Variants in ACAN observed in about 807,000 individuals in gnomAD.
The protein encoded by ACAN is aggrecan, also known as aggrecan core protein.
Under a neutral mutation model 169.1 loss-of-function variants are expected in ACAN, and 47 were observed. The observed-to-expected ratio is 0.28, with a 90% CI of 0.22 to 0.35. ACAN has a LOEUF of 0.35. ACAN is among the 10% of genes least tolerant of loss of function. The probability of loss-of-function intolerance (pLI) is 1.00; values close to 1 mark genes in which losing one functional copy is unlikely to be tolerated. For missense variants in ACAN, 2,716 were observed against 2,759.9 expected, an observed-to-expected ratio of 0.98 and a Z score of 0.36; for synonymous variants, 1,115 against 1,112.2, an observed-to-expected ratio of 1.00 and a Z score of -0.05.
chr15:88,842,525 T>A (rs113925073), intron 5 of ACAN, among the ~76,000 whole-genome samples: 2,512 of 46,938 alleles, frequency 0.054, 57 homozygotes, highest in African/African-American at 0.12. Flanking sequence ...CCCTCCCCCC[T>A]ACCTGAGCAC....
rs1242426061 is a variant in ACAN, at chr15:88,843,805, G to A, written c.1051+157G>A. Among the ~76,000 whole-genome samples, 2 of 152,132 alleles carry A rather than the reference G, an allele frequency of 1.3e-5. No individual in the cohort carries two copies. The highest frequency in any genetic ancestry group is 4.8e-5 in the African/African-American group (2 of 41,440). ...TTTAGGACACCCCTCCATTTTCACT[G>A]GTTCCTAGGAAGCCCTAAGGTAGAG... On this transcript the variant is annotated intron_variant, in intron 6 of 18. Transcript: ENST00000560601. This position sits in a 1 kb window ranked among gnomAD's most constrained non-coding sequence, Gnocchi z 4.0.
intron 9 of ACAN, 76 bp downstream of exon 9, chr15:88,848,114 A>T (rs1335278769): frequency 1.9e-6 from 3 of 1,564,950 alleles, no homozygotes; most frequent in Non-Finnish European, 2.6e-6. Flanking sequence ...CGATACAAAG[A>T]AGAGAGGGGG....
intron 2 of ACAN, among the ~76,000 whole-genome samples, chr15:88,837,788 A>G (rs1264689753): frequency 6.6e-6 from 1 of 151,868 alleles, no homozygotes; most frequent in African/African-American, 2.4e-5. Flanking sequence ...CCTGTGATGT[A>G]TCTACAACCC....
intron 1 of ACAN, among the ~76,000 whole-genome samples, chr15:88,812,939 A>G (rs1406645012): frequency 6.6e-6 from 1 of 152,170 alleles, no homozygotes; most frequent in African/African-American, 2.4e-5. Flanking sequence ...TTTCTATAGA[A>G]CATGCCTTCC....
rs560287399 is a variant in ACAN at position 88,838,379 on chromosome 15, C to T, written c.71-284C>T. On this transcript the variant is annotated intron_variant, in intron 2 of 18. Transcript: ENST00000560601. This position sits in a 1 kb window ranked among gnomAD's most constrained non-coding sequence, Gnocchi z 5.1. ...TTGAGAAACAGGGAGTTGGTCCTGA[C>T]TCTGACGTCTCCCCTCCCTCCTCTG... is the stretch of plus-strand genomic sequence containing the variant. Among the ~76,000 whole-genome samples, 1 of 152,270 alleles carries T rather than the reference C, an allele frequency of 6.6e-6. No individual in the cohort carries two copies. The highest frequency in any genetic ancestry group is 2.4e-5 in the African/African-American group (1 of 41,546).
rs556810987 is a variant in ACAN, at chr15:88,838,413, T to C, written c.71-250T>C. Among the ~76,000 whole-genome samples the C allele has an allele frequency of 1.5e-3, 222 of 152,274 alleles. 1 individual carries two copies. Among genetic ancestry groups the C allele is most frequent in the Non-Finnish European group, 2.8e-3 (193 of 68,016 alleles). On this transcript the variant is annotated intron_variant, in intron 2 of 18. Coordinates refer to ENST00000560601, the MANE Select transcript of ACAN (RefSeq NM_001369268.1). The surrounding 1 kb of genome is among the most constrained non-coding windows in gnomAD (Gnocchi z 5.1). ...CTCCCCTCCCTCCTCTGGAATCCTT[T>C]TCTAGCTCCATAGTTTCTGTCTCGA...
rs371937649 is a variant in ACAN, at chr15:88,859,035, C to T, written c.6450C>T (p.Ser2150=). The T allele has an allele frequency of 8.3e-5, 134 of 1,613,816 alleles. No homozygotes were observed. Among genetic ancestry groups the T allele is most frequent in the Non-Finnish European group, 9.6e-5 (113 of 1,179,894 alleles). Residue 2150 remains serine (S), a synonymous_variant, in exon 12 of 19, where the codon AGC becomes AGT. Transcript: ENST00000560601. The part of the protein sequence containing the change: ...NLERSSGLGV[S]GSTLTFQEGE... ...AGAGATCCTCTGGCCTAGGAGTGAGCGGCAGCACTTTGACATTTCAAGAAG... is the reference window on the plus strand; with the variant it reads ...AGAGATCCTCTGGCCTAGGAGTGAGTGGCAGCACTTTGACATTTCAAGAAG...
At position 88,871,583 on chromosome 15, in the gene ACAN, G is replaced by T. The variant is rs1288469888; in HGVS notation, c.7219+43G>T. On this transcript the variant is annotated intron_variant, in intron 15 of 18. Coordinates refer to ENST00000560601, the MANE Select transcript of ACAN (RefSeq NM_001369268.1). The surrounding 1 kb of genome is among the most constrained non-coding windows in gnomAD (Gnocchi z 7.8). The stretch of plus-strand genomic sequence containing the variant: ...TCTGGAGCCTGAGAGGAGAGTGGCG[G>T]TGTAGGCAAAGGGCCTCACCTTTCA... The T allele has an allele frequency of 1.9e-6, 3 of 1,572,794 alleles. No homozygotes were observed. Among genetic ancestry groups the T allele is most frequent in the African/African-American group, 1.3e-5 (1 of 74,328 alleles).
intron 1 of ACAN, 41 bp from the exon 2 acceptor site, chr15:88,836,159 C>A: frequency 1.4e-6 from 2 of 1,451,728 alleles, no homozygotes; most frequent in Non-Finnish European, 1.9e-6. Context: ...CCTCACCATG[C>A]CTTCACTGTC....
intron 1 of ACAN, among the ~76,000 whole-genome samples, chr15:88,816,861 G>A (rs757881417): frequency 6.6e-6 from 1 of 152,210 alleles, no homozygotes; most frequent in African/African-American, 2.4e-5. Context: ...ACCTTCAGGA[G>A]ACAGAGGCTG....
Position 88,859,017 on chromosome 15 carries a change from C to T in ACAN, c.6432C>T (p.Ser2144=), listed in dbSNP as rs1326769390. Residue 2144 remains serine (S), a synonymous_variant, in exon 12 of 19, where the codon TCC becomes TCT. Coordinates refer to ENST00000560601, the MANE Select transcript of ACAN (RefSeq NM_001369268.1). ...SAFHEANLER[S]SGLGVSGSTL... ...TCCACGAAGCTAACCTTGAGAGATC[C>T]TCTGGCCTAGGAGTGAGCGGCAGCA... is the stretch of plus-strand genomic sequence containing the variant. 8 of 1,613,858 alleles carry T rather than the reference C, an allele frequency of 5.0e-6. No individual in the cohort carries two copies. Among genetic ancestry groups the T allele is most frequent in the Non-Finnish European group, 6.8e-6 (8 of 1,179,900 alleles).
intron 1 of ACAN, among the ~76,000 whole-genome samples, chr15:88,831,532 A>C (rs1896363495): frequency 6.6e-6 from 1 of 152,198 alleles, no homozygotes; most frequent in African/African-American, 2.4e-5. Flanking sequence ...TCATTCATTC[A>C]GCAATTTCCT....
intron 1 of ACAN, among the ~76,000 whole-genome samples, chr15:88,809,953 T>C (rs548816606): frequency 9.8e-5 from 15 of 152,324 alleles, no homozygotes; most frequent in African/African-American, 3.4e-4. Flanking sequence ...AAGGCCTAAC[T>C]AAAAGCCACT....
rs892996923 is a variant in ACAN at position 88,847,805 on chromosome 15, G to C, written c.1605-106G>C. The C allele has an allele frequency of 7.2e-6, 10 of 1,391,226 alleles. No homozygotes were observed. In the African/African-American group the frequency reaches 8.7e-5, roughly 12 times the overall value. The allele number at this position is 1,391,226 out of a possible 1,614,324, so 86.2% of individuals were successfully genotyped here. Reference sequence around the variant, plus strand: ...CTGGTTTGAATACCACCAGACAACTGAAGACATCTCCAAGTCCCTGAGTAG... The same window carrying C: ...CTGGTTTGAATACCACCAGACAACTCAAGACATCTCCAAGTCCCTGAGTAG... On this transcript the variant is annotated intron_variant, in intron 8 of 18. Coordinates refer to ENST00000560601, the MANE Select transcript of ACAN (RefSeq NM_001369268.1).
Position 88,840,117 on chromosome 15 carries a change from A to G in ACAN, c.560A>G (p.Gln187Arg). The part of the protein sequence containing the change: ...QNSAIIATPE[Q>R]LQAAYEDGFH... ...AGTGCCATCATTGCCACGCCTGAGC[A>G]GCTGCAGGCCGCCTACGAAGACGGC... Residue 187 changes from glutamine to arginine, a missense_variant, in exon 4 of 19, where the codon CAG becomes CGG. Coordinates refer to ENST00000560601, the MANE Select transcript of ACAN (RefSeq NM_001369268.1). The G allele has an allele frequency of 6.2e-7, 1 of 1,606,362 alleles. No individual in the cohort carries two copies. The highest frequency in any genetic ancestry group is 8.5e-7 in the Non-Finnish European group (1 of 1,176,654).
chr15:88,817,325 G>T (rs1046350621), intron 1 of ACAN, among the ~76,000 whole-genome samples: 3 of 152,008 alleles, frequency 2.0e-5, no homozygotes, highest in African/African-American at 4.8e-5. Context: ...TGTATTTTTA[G>T]TAGAGGTAGG....
chr15:88,871,553 G>T lies in ACAN; in HGVS notation c.7219+13G>T, dbSNP rs1330470864. On this transcript the variant is annotated intron_variant, in intron 15 of 18. Coordinates refer to ENST00000560601, the MANE Select transcript of ACAN (RefSeq NM_001369268.1). The surrounding 1 kb of genome is among the most constrained non-coding windows in gnomAD (Gnocchi z 7.8). ...GAGTTTGTCAACAGTGAGTGCGGCG[G>T]GGCCTCTGGAGCCTGAGAGGAGAGT... 2 of 1,605,940 alleles carry T rather than the reference G, an allele frequency of 1.2e-6. No individual in the cohort carries two copies. The highest frequency in any genetic ancestry group is 1.7e-6 in the Non-Finnish European group (2 of 1,176,444).
At chr15:88,820,478 G>T (rs956040064) in intron 1 of ACAN, among the ~76,000 whole-genome samples, 1 of 152,116 alleles carries the variant, frequency 6.6e-6, no homozygotes, top group African/African-American at 2.4e-5. Flanking sequence ...AATCTTGGAG[G>T]CCTCTTCAGA....
Position 88,843,605 on chromosome 15 carries a change from C to A in ACAN, c.1008C>A (p.Gly336=). ...RTVYVHANQT[G]YPDPSSRYDA... ...TCTACGTGCATGCCAACCAGACGGGCTACCCCGACCCCTCATCCCGCTACG... is the reference window on the plus strand; with the variant it reads ...TCTACGTGCATGCCAACCAGACGGGATACCCCGACCCCTCATCCCGCTACG... The change falls in exon 6 of 19, where the codon GGC becomes GGA. Residue 336 remains glycine (G), a synonymous_variant. Transcript: ENST00000560601. The surrounding 1 kb of genome is among the most constrained non-coding windows in gnomAD (Gnocchi z 4.0). The A allele has an allele frequency of 6.3e-7, 1 of 1,597,968 alleles. No homozygotes were observed.
Sources: allele counts gnomAD v4.1 joint callset (sites outside exome capture counted in the v4.1 genomes callset), GRCh38; gene constraint gnomAD v4.1.1; non-coding constraint Gnocchi (gnomAD v3.1); transcripts MANE v1.5; gene names NCBI Gene and HGNC (gene_info 2026-07-23, HGNC 2026-07-21).